Variants in AGMO observed in about 807,000 individuals in gnomAD.
AGMO encodes glyceryl-ether monooxygenase.
A neutral mutation model predicts 60.2 loss-of-function variants in AGMO; 75 were observed. The observed-to-expected ratio is 1.25, with a 90% CI of 1.03 to 1.51. AGMO has a LOEUF of 1.51. Ranked by LOEUF, AGMO falls within the 40% of genes most tolerant of loss-of-function variation. The probability of loss-of-function intolerance (pLI) is 0.00; values close to 1 mark genes in which losing one functional copy is unlikely to be tolerated. For missense variants in AGMO, 763 were observed against 525.5 expected, an observed-to-expected ratio of 1.45 and a Z score of -4.42; for synonymous variants, 261 against 177.1, an observed-to-expected ratio of 1.47 and a Z score of -3.76.
At chr7:15,548,954 T>G (rs1441479912) in intron 2 of AGMO, among the ~76,000 whole-genome samples, 2 of 150,384 alleles carry the variant, frequency 1.3e-5, no homozygotes, top group African/African-American at 4.9e-5. Flanking sequence ...CCCATCAGAC[T>G]AACAGCGGAT....
chr7:15,482,158 A>G (rs1782771953), intron 3 of AGMO, among the ~76,000 whole-genome samples: 1 of 152,030 alleles, frequency 6.6e-6, no homozygotes, highest in South Asian at 2.1e-4. Flanking sequence ...GAAGAAATAA[A>G]AAATTAAGAA....
chr7:15,443,503 T>C (rs1177290440), intron 3 of AGMO, among the ~76,000 whole-genome samples: 2 of 152,226 alleles, frequency 1.3e-5, no homozygotes, highest in East Asian at 3.9e-4. Flanking sequence ...ATTATTGTTT[T>C]TCATCAATCC....
chr7:15,512,290 C>G (rs1382533739), intron 3 of AGMO, among the ~76,000 whole-genome samples: 2 of 152,170 alleles, frequency 1.3e-5, no homozygotes, highest in Non-Finnish European at 2.9e-5. Flanking sequence ...TGATCTCACT[C>G]TGTTACCCAG....
At chr7:15,350,840 T>C (rs543548016) in intron 12 of AGMO, among the ~76,000 whole-genome samples, 1 of 152,326 alleles carries the variant, frequency 6.6e-6, no homozygotes, top group East Asian at 1.9e-4. Flanking sequence ...TTACCAATAA[T>C]GTGCTGAGCA....
downstream of AGMO, among the ~76,000 whole-genome samples, chr7:15,196,403 T>C (rs930399956): frequency 2.0e-5 from 3 of 152,172 alleles, no homozygotes; most frequent in Non-Finnish European, 4.4e-5. Context: ...ACAGAAAACT[T>C]TGGTGGCATG....
chr7:15,124,733 T>A, the AGMO span, among the ~76,000 whole-genome samples: 1 of 152,074 alleles, frequency 6.6e-6, no homozygotes, highest in South Asian at 2.1e-4. Flanking sequence ...TACATTTGAT[T>A]CAGGGATAAT....
chr7:15,514,936 G>C (rs1783770469), intron 3 of AGMO, among the ~76,000 whole-genome samples: 1 of 152,180 alleles, frequency 6.6e-6, no homozygotes. Flanking sequence ...AGGATTGAGA[G>C]GTTGCTGTGG....
chr7:15,517,644 G>A (rs1183907379), intron 3 of AGMO, among the ~76,000 whole-genome samples: 2 of 152,062 alleles, frequency 1.3e-5, no homozygotes, highest in Non-Finnish European at 2.9e-5. Flanking sequence ...CAGACGCTAT[G>A]CTTTTCCCAT....
intron 12 of AGMO, among the ~76,000 whole-genome samples, chr7:15,311,515 G>A (rs148408918): frequency 3.4e-3 from 513 of 152,068 alleles, no homozygotes; most frequent in African/African-American, 0.011. Flanking sequence ...AGCTGCAATC[G>A]CAAACCAATC....
chr7:15,493,533 C>T (rs867428769), intron 3 of AGMO, among the ~76,000 whole-genome samples: 3 of 151,258 alleles, frequency 2.0e-5, no homozygotes, highest in Non-Finnish European at 4.4e-5. Context: ...GCCACCACAC[C>T]CGGCTAATTT....
chr7:15,419,141 G>GT (rs938899437), intron 4 of AGMO, among the ~76,000 whole-genome samples: 1 of 151,576 alleles, frequency 6.6e-6, no homozygotes, highest in African/African-American at 2.4e-5. Context: ...TTTTAACTTG[G>GT]TTTTTGTATG....
At chr7:15,520,564 A>G (rs751491009) in intron 3 of AGMO, among the ~76,000 whole-genome samples, 4 of 152,216 alleles carry the variant, frequency 2.6e-5, no homozygotes, top group Admixed American at 6.5e-5. Flanking sequence ...CTGCACAACT[A>G]CATGGAAACC....
chr7:15,239,592 A>G (rs1782530098), intron 12 of AGMO, among the ~76,000 whole-genome samples: 1 of 152,136 alleles, frequency 6.6e-6, no homozygotes, highest in Admixed American at 6.5e-5. Flanking sequence ...TTGTTATTTG[A>G]AAGCAGTGTG....
intron 12 of AGMO, among the ~76,000 whole-genome samples, chr7:15,277,817 T>G (rs1783844441): frequency 6.6e-6 from 1 of 152,218 alleles, no homozygotes; most frequent in African/African-American, 2.4e-5. Context: ...GAGTTTCCTG[T>G]TCAGTGCAGG....
At position 15,320,323 on chromosome 7, in the gene AGMO, A is replaced by G. The variant is rs532821932; in HGVS notation, c.1263+45191T>C. Among the ~76,000 whole-genome samples, 41 of 152,202 alleles carry G rather than the reference A, an allele frequency of 2.7e-4. 1 individual carries two copies. Among genetic ancestry groups the G allele is most frequent in the African/African-American group, 9.6e-4 (40 of 41,552 alleles). On this transcript the variant is annotated intron_variant, in intron 12 of 12. Coordinates refer to ENST00000342526, the MANE Select transcript of AGMO (RefSeq NM_001004320.2). ...ATAATGTATCCTAATGCAACTGAAG[A>G]AAGTCAAAAACAAATTTTCACAGTA...
At chr7:15,118,027 C>G in the AGMO span, among the ~76,000 whole-genome samples, 2 of 151,810 alleles carry the variant, frequency 1.3e-5, no homozygotes, top group Non-Finnish European at 2.9e-5. Flanking sequence ...AGCCAAAATA[C>G]AAAAGAAATT....
chr7:15,560,611 T>C (rs1785278417), intron 1 of AGMO, among the ~76,000 whole-genome samples: 1 of 152,192 alleles, frequency 6.6e-6, no homozygotes, highest in Admixed American at 6.6e-5. Flanking sequence ...TAGAGGTCTA[T>C]TGTCTCTACA....
the AGMO span, among the ~76,000 whole-genome samples, chr7:15,135,489 C>A: frequency 6.6e-6 from 1 of 152,162 alleles, no homozygotes; most frequent in African/African-American, 2.4e-5. Flanking sequence ...TGTTTGGAAA[C>A]AGGCTAGCTT....
At position 15,349,171 on chromosome 7, in the gene AGMO, T is replaced by G. The variant is rs1431943767; in HGVS notation, c.1263+16343A>C. Among the ~76,000 whole-genome samples the G allele has an allele frequency of 2.0e-5, 3 of 152,126 alleles. No individual in the cohort carries two copies. In the East Asian group the frequency reaches 5.8e-4, roughly 29 times the overall value. On this transcript the variant is annotated intron_variant, in intron 12 of 12. Coordinates refer to ENST00000342526, the MANE Select transcript of AGMO (RefSeq NM_001004320.2). ...TATATACAGGCCTATCATCAGTTCT[T>G]GGCACAAGGACTCTCAGAAAACCTT...
Sources: gnomAD v4.1 joint callset for allele counts (sites outside exome capture counted in the v4.1 genomes callset) on GRCh38, gnomAD v4.1.1 for gene constraint, MANE v1.5 for transcripts, NCBI Gene and HGNC (gene_info 2026-07-23, HGNC 2026-07-21) for gene names.